SH3D19: variants seen among roughly 807,000 people sequenced by gnomAD.
SH3D19 encodes SH3 domain containing 19.
SH3D19 carries 58 observed loss-of-function variants against 112.1 expected under a neutral mutation model. The observed-to-expected ratio is 0.52, with a 90% CI of 0.42 to 0.64. The LOEUF (loss-of-function observed/expected upper bound fraction) is 0.64, where lower values mean the gene tolerates loss of function less well. SH3D19 is among the 30% of genes least tolerant of loss of function. The probability of loss-of-function intolerance (pLI) is 0.00; values close to 1 mark genes in which losing one functional copy is unlikely to be tolerated. For synonymous variants in SH3D19, 391 were observed against 448.5 expected (o/e 0.87, Z 1.62); for missense variants, 1,090 against 1,263.4 (o/e 0.86, Z 2.08).
chr4:151,190,576 G>A (rs113128474), intron 2 of SH3D19, among the ~76,000 whole-genome samples: 4,000 of 152,312 alleles, frequency 0.026, 163 homozygotes, highest in African/African-American at 0.09. Flanking sequence ...AGCTTGGGCC[G>A]TGGCTTCAGA....
intron 2 of SH3D19, among the ~76,000 whole-genome samples, chr4:151,210,896 G>A (rs1178783850): frequency 6.6e-6 from 1 of 151,194 alleles, no homozygotes; most frequent in Non-Finnish European, 1.5e-5. Flanking sequence ...TTTTTCTTCT[G>A]AAATTGGGTC....
intron 2 of SH3D19, among the ~76,000 whole-genome samples, chr4:151,225,154 T>G (rs894081852): frequency 6.6e-6 from 1 of 152,200 alleles, no homozygotes; most frequent in Non-Finnish European, 1.5e-5. Flanking sequence ...GTCAATGCAC[T>G]CTAGGGTTTG....
At chr4:151,135,172 C>T in intron 14 of SH3D19, 40 bp from the exon 15 acceptor site, 1 of 1,504,830 alleles carries the variant, frequency 6.6e-7, no homozygotes, top group Non-Finnish European at 9.0e-7. Flanking sequence ...ATATTTTTTT[C>T]AGATTTTCAT....
chr4:151,142,732 T>C (rs1269178218), intron 12 of SH3D19, among the ~76,000 whole-genome samples: 1 of 152,092 alleles, frequency 6.6e-6, no homozygotes, highest in Non-Finnish European at 1.5e-5. Context: ...GTACAACATA[T>C]TCGTAGAGAT....
intron 19 of SH3D19, among the ~76,000 whole-genome samples, chr4:151,123,213 A>G (rs575221489): frequency 1.3e-5 from 2 of 152,332 alleles, no homozygotes; most frequent in South Asian, 4.1e-4. Context: ...GATAGACTAC[A>G]TAACTTGCCA....
At chr4:151,274,922 C>T (rs1773472053) in intron 1 of SH3D19, among the ~76,000 whole-genome samples, 1 of 152,084 alleles carries the variant, frequency 6.6e-6, no homozygotes. Context: ...CTGTCTTCTC[C>T]CTCTATAGAT....
chr4:151,257,437 G>A (rs1174155740), intron 1 of SH3D19, among the ~76,000 whole-genome samples: 2 of 152,080 alleles, frequency 1.3e-5, no homozygotes, highest in African/African-American at 4.8e-5. Flanking sequence ...ATTTTTGGAA[G>A]TATAATCTTC....
At chr4:151,196,055 G>A (rs1445788769) in intron 2 of SH3D19, among the ~76,000 whole-genome samples, 1 of 152,134 alleles carries the variant, frequency 6.6e-6, no homozygotes, top group African/African-American at 2.4e-5. Context: ...CCTGGTATAA[G>A]CTGCTGCCAC....
chr4:151,123,509 C>A (rs78759735), intron 19 of SH3D19, among the ~76,000 whole-genome samples: 8,955 of 152,256 alleles, frequency 0.059, 413 homozygotes, highest in East Asian at 0.19. Flanking sequence ...GTGGCCCAGG[C>A]TGGAGTGCAG....
chr4:151,316,199 G>A (rs1729966998), intron 1 of SH3D19, among the ~76,000 whole-genome samples: 2 of 152,258 alleles, frequency 1.3e-5, no homozygotes, highest in Middle Eastern at 3.4e-3. Flanking sequence ...GTTTGATCAT[G>A]AGAAAAACAT....
intron 1 of SH3D19, among the ~76,000 whole-genome samples, chr4:151,307,388 CA>C (rs1729027145): frequency 6.6e-6 from 1 of 152,168 alleles, no homozygotes; most frequent in Admixed American, 6.5e-5. Flanking sequence ...CTTCTTTGGC[CA>C]AATATCCAAA....
chr4:151,269,872 G>A (rs924109224), intron 1 of SH3D19, among the ~76,000 whole-genome samples: 1 of 151,596 alleles, frequency 6.6e-6, no homozygotes, highest in African/African-American at 2.4e-5. Flanking sequence ...TAAGACACAA[G>A]CACACACATT....
intron 1 of SH3D19, among the ~76,000 whole-genome samples, chr4:151,244,079 G>A (rs1230530947): frequency 1.3e-5 from 2 of 152,138 alleles, no homozygotes. Context: ...TGATCAAACA[G>A]TTGGCTATTA....
At position 151,208,879 on chromosome 4, in the gene SH3D19, G is replaced by A. The variant is rs533136943; in HGVS notation, c.152+17168C>T. On this transcript the variant is annotated intron_variant, in intron 2 of 19. Transcript: ENST00000604030. ...TTTTTAGTAGAGACGGGGTTTCACC[G>A]TGTTAGCCAGGATGATCTTGATCTC... Among the ~76,000 whole-genome samples, 96 of 150,956 alleles carry A rather than the reference G, an allele frequency of 6.4e-4. 1 individual carries two copies. Among genetic ancestry groups the A allele is most frequent in the African/African-American group, 1.8e-3 (72 of 41,072 alleles).
chr4:151,168,429 A>C (rs1464826855), intron 7 of SH3D19, among the ~76,000 whole-genome samples: 3 of 141,734 alleles, frequency 2.1e-5, no homozygotes, highest in Non-Finnish European at 4.5e-5. Context: ...ACACGGTCTC[A>C]CTCTCACCCA....
At chr4:151,187,590 C>G (rs1388733661) in intron 2 of SH3D19, 127 bp from the exon 3 acceptor site, 2 of 448,314 alleles carry the variant, frequency 4.5e-6, no homozygotes, top group Admixed American at 8.8e-5. Context: ...TATTTACTGG[C>G]CTATCCTCTT....
intron 2 of SH3D19, among the ~76,000 whole-genome samples, chr4:151,221,457 A>G (rs1768028637): frequency 6.6e-6 from 1 of 152,256 alleles, no homozygotes; most frequent in African/African-American, 2.4e-5. Context: ...CAATGTCAGC[A>G]GATACCCTGG....
At chr4:151,267,273 T>C (rs1392517629) in intron 1 of SH3D19, among the ~76,000 whole-genome samples, 1 of 151,908 alleles carries the variant, frequency 6.6e-6, no homozygotes, top group Non-Finnish European at 1.5e-5. Flanking sequence ...AGGTCAAGGC[T>C]ACAGTGAGCT....
At chr4:151,246,029 A>G (rs573555462) in intron 1 of SH3D19, among the ~76,000 whole-genome samples, 111 of 143,540 alleles carry the variant, frequency 7.7e-4, no homozygotes, top group African/African-American at 2.7e-3. Flanking sequence ...TTATAACCCC[A>G]TTGAAGACAT....
Sources: gnomAD v4.1 joint callset for allele counts (sites outside exome capture counted in the v4.1 genomes callset) on GRCh38, gnomAD v4.1.1 for gene constraint, MANE v1.5 for transcripts, NCBI Gene and HGNC (gene_info 2026-07-23, HGNC 2026-07-21) for gene names.